The following CLNK variants were observed in gnomAD, a reference collection of about 807,000 sequenced individuals.
CLNK encodes the protein cytokine-dependent hematopoietic cell linker.
In CLNK, 74 loss-of-function variants were observed where a neutral mutation model predicts 68.6. The ratio of observed to expected loss-of-function variants is 1.08; its 90% CI spans 0.89 to 1.31. The LOEUF (loss-of-function observed/expected upper bound fraction) is 1.31. Among genes scored for constraint, CLNK ranks in the 50% most tolerant of loss-of-function variants. CLNK has a pLI of 0.00. For synonymous variants in CLNK, 198 were observed against 172.2 expected, an observed-to-expected ratio of 1.15 and a Z score of -1.17; for missense variants, 553 against 515.3, an observed-to-expected ratio of 1.07 and a Z score of -0.71.
At chr4:10,711,174 CTA>C in the CLNK span, among the ~76,000 whole-genome samples, 1 of 152,262 alleles carries the variant, frequency 6.6e-6, no homozygotes, top group African/African-American at 2.4e-5. Flanking sequence ...GTGGCCAAAC[CTA>C]TGTCTGGAAC....
At chr4:10,717,456 T>G in the CLNK span, among the ~76,000 whole-genome samples, 1 of 152,170 alleles carries the variant, frequency 6.6e-6, no homozygotes, top group Admixed American at 6.5e-5. Flanking sequence ...ATCAGCCGGA[T>G]GTGGTTATGC....
chr4:10,622,924 T>A (rs1722517050), intron 2 of CLNK, among the ~76,000 whole-genome samples: 1 of 152,024 alleles, frequency 6.6e-6, no homozygotes, highest in Non-Finnish European at 1.5e-5. Context: ...GGCCCCTTCA[T>A]CCCTTACAAG....
chr4:10,531,643 G>T, intron 12 of CLNK: 1 of 419,762 alleles, frequency 2.4e-6, no homozygotes, highest in Non-Finnish European at 4.7e-6. Context: ...GTTTCTTCAT[G>T]TTGGTCAGGC....
intron 14 of CLNK, among the ~76,000 whole-genome samples, chr4:10,521,757 C>T (rs1718075620): frequency 1.3e-5 from 2 of 152,164 alleles, no homozygotes; most frequent in Admixed American, 6.5e-5. Context: ...AGATTTGACT[C>T]CGTTAAAACC....
At position 10,566,000 on chromosome 4, in the gene CLNK, A is replaced by G; in HGVS notation, c.292+9T>C. On this transcript the variant is annotated intron_variant, in intron 6 of 18. Coordinates refer to ENST00000226951, the MANE Select transcript of CLNK (RefSeq NM_052964.4). The stretch of plus-strand genomic sequence containing the variant: ...ATCTTCTTATTTCAGGCAGACCCCC[A>G]AACGTTACCTGCATATTCAGATTCC... 2 of 1,613,134 alleles carry G rather than the reference A, an allele frequency of 1.2e-6. No individual in the cohort carries two copies. The highest frequency in any genetic ancestry group is 1.7e-6 in the Non-Finnish European group (2 of 1,179,388).
chr4:10,486,705 C>T lies in CLNK; in HGVS notation c.*3762G>A, dbSNP rs984840862. 1 of 152,096 alleles carries T rather than the reference C, an allele frequency of 6.6e-6. No individual in the cohort carries two copies. Among genetic ancestry groups the T allele is most frequent in the Non-Finnish European group, 1.5e-5 (1 of 68,020 alleles). 9.4% of individuals were successfully genotyped at this position (152,096 alleles called of 1,614,324 possible). ...ACACAGGCACAGGCACACACATGCA[C>T]ACCCCACATAAATAAGTTTGGGAAA... On this transcript the variant is annotated 3_prime_UTR_variant, in exon 19 of 19. Transcript: ENST00000226951.
chr4:10,667,870 A>G lies in CLNK; in HGVS notation c.-1T>C. ...CCCACGGTACTTACTGCCTGTTCAT[A>G]GTTCTTGGCACCTGGCGGGTAAGAG... On this transcript the variant is annotated 5_prime_UTR_variant, in exon 2 of 19. Coordinates refer to ENST00000226951, the MANE Select transcript of CLNK (RefSeq NM_052964.4). 7.6e-7 allele frequency: 1 copy of G among 1,321,532 alleles called. No homozygotes were observed. 81.9% of individuals were successfully genotyped at this position (1,321,532 alleles called of 1,614,324 possible).
At chr4:10,535,707 A>C (rs983320986) in intron 11 of CLNK, among the ~76,000 whole-genome samples, 9 of 152,236 alleles carry the variant, frequency 5.9e-5, no homozygotes, top group African/African-American at 2.2e-4. Flanking sequence ...ACACTGTTCT[A>C]ATATTTGCTT....
chr4:10,513,530 G>T lies in CLNK; in HGVS notation c.840C>A (p.His280Gln), dbSNP rs192215241. The change falls in exon 16 of 19, where the codon CAC (histidine) becomes CAA (glutamine). Residue 280 changes from histidine to glutamine, a missense_variant. Physicochemically the swap from His to Gln is conservative, Grantham distance 24. Transcript: ENST00000226951. ...TGTATTTATAGGGCAGTATATTTTC[G>T]TGAGGGCTGCAGCTGGCTGGAGGCT... Reference protein sequence around the residue: ...RCQPPASCSPHENILPYKYTS... With the variant: ...RCQPPASCSPQENILPYKYTS... 2,509 of 1,610,944 alleles carry T rather than the reference G, an allele frequency of 1.6e-3. 71 individuals carry two copies. In the Admixed American group the frequency reaches 0.039, roughly 25 times the overall value.
chr4:10,716,145 C>T, the CLNK span, among the ~76,000 whole-genome samples: 1 of 152,200 alleles, frequency 6.6e-6, no homozygotes, highest in African/African-American at 2.4e-5. Context: ...TGAATTAATT[C>T]TCAAGAAGTT....
In CLNK at chr4:10,597,909, A is replaced by G; in HGVS notation, c.83+69T>C. On this transcript the variant is annotated intron_variant, in intron 3 of 18. Transcript: ENST00000226951. ...CACATTGACAATTTTCGTGTTTGTG[A>G]TGGTCAGCTTATTTGCTACAGAATT... is the stretch of plus-strand genomic sequence containing the variant. 3 of 1,075,050 alleles carry G rather than the reference A, an allele frequency of 2.8e-6. No individual in the cohort carries two copies. In the South Asian group the frequency reaches 4.2e-5, roughly 15 times the overall value. 66.6% of individuals were successfully genotyped at this position (1,075,050 alleles called of 1,614,324 possible). A position where few individuals can be genotyped will look rare whatever the true frequency, so the allele number is the denominator to read the frequency against.
rs2005798 is a variant in CLNK, at chr4:10,537,313, A to T, written c.602+3181T>A. ...ACCAACATGGTAAAACCTCATCTCT[A>T]CTAAAAATATAAAAATTAGCTGAGT... On this transcript the variant is annotated intron_variant, in intron 11 of 18. Coordinates refer to ENST00000226951, the MANE Select transcript of CLNK (RefSeq NM_052964.4). 2.6e-5 allele frequency among the ~76,000 whole-genome samples: 4 copies of T among 152,052 alleles called. No homozygotes were observed. The East Asian group carries it at 5.8e-4, about 22-fold the overall frequency.
the CLNK span, among the ~76,000 whole-genome samples, chr4:10,695,144 A>G: frequency 6.6e-6 from 1 of 152,176 alleles, no homozygotes; most frequent in African/African-American, 2.4e-5. Flanking sequence ...AGAGTAATGT[A>G]TTGTATATTT....
chr4:10,702,084 G>C, the CLNK span, among the ~76,000 whole-genome samples: 1 of 152,150 alleles, frequency 6.6e-6, no homozygotes. Context: ...ATGTAAAGAC[G>C]TCCCTAGTTT....
chr4:10,503,653 T>G lies in CLNK; in HGVS notation c.985-2242A>C, dbSNP rs927178144. On this transcript the variant is annotated intron_variant, in intron 17 of 18. Coordinates refer to ENST00000226951, the MANE Select transcript of CLNK (RefSeq NM_052964.4). The stretch of plus-strand genomic sequence containing the variant: ...ACTATATAATATAACATAACAATAC[T>G]TTAAGTATACAAAATTTAGAAATAA... Among the ~76,000 whole-genome samples the G allele has an allele frequency of 5.4e-5, 8 of 149,486 alleles. 1 individual carries two copies. The highest frequency in any genetic ancestry group is 4.0e-4 in the Admixed American group (6 of 14,962).
intron 2 of CLNK, among the ~76,000 whole-genome samples, chr4:10,648,690 G>A (rs1177031929): frequency 6.6e-6 from 1 of 152,192 alleles, no homozygotes; most frequent in East Asian, 1.9e-4. Context: ...GAAAGGTGGA[G>A]AGAAAATGAG....
chr4:10,611,807 C>T (rs1722042416), intron 2 of CLNK, among the ~76,000 whole-genome samples: 1 of 152,168 alleles, frequency 6.6e-6, no homozygotes, highest in Non-Finnish European at 1.5e-5. Context: ...CTTACTTCCT[C>T]CAATCCATTC....
At chr4:10,665,142 A>G (rs4309833) in intron 2 of CLNK, among the ~76,000 whole-genome samples, 73,973 of 152,064 alleles carry the variant, frequency 0.49, 18,540 homozygotes, top group East Asian at 0.58. Context: ...GGAAGCTAAC[A>G]TTTGTGAAAT....
At chr4:10,651,162 C>A (rs1194327098) in intron 2 of CLNK, among the ~76,000 whole-genome samples, 1 of 152,094 alleles carries the variant, frequency 6.6e-6, no homozygotes, top group Non-Finnish European at 1.5e-5. Context: ...GTTCTAGAAC[C>A]AGAAATACCA....
Sources: allele counts gnomAD v4.1 joint callset (sites outside exome capture counted in the v4.1 genomes callset), GRCh38; gene constraint gnomAD v4.1.1; transcripts MANE v1.5; gene names NCBI Gene and HGNC (gene_info 2026-07-23, HGNC 2026-07-21).